The following LRRC4C variants were observed in gnomAD, a reference collection of about 807,000 sequenced individuals.
LRRC4C encodes leucine rich repeat containing 4C.
In LRRC4C, 5 loss-of-function variants were observed where a neutral mutation model predicts 33.6. The ratio of observed to expected loss-of-function variants is 0.15; its 90% CI spans 0.08 to 0.31. LRRC4C has a LOEUF of 0.31. Ranked by LOEUF, LRRC4C falls within the 10% of genes least tolerant of loss-of-function variation. The probability of loss-of-function intolerance (pLI) is 1.00; values close to 1 mark genes in which losing one functional copy is unlikely to be tolerated. For missense variants in LRRC4C, 560 were observed against 796.7 expected (o/e 0.70, Z 3.58); for synonymous variants, 329 against 302.0 (o/e 1.09, Z -0.93).
At chr11:41,112,733 A>G (rs1182250630) in intron 1 of LRRC4C, among the ~76,000 whole-genome samples, 1 of 152,092 alleles carries the variant, frequency 6.6e-6, no homozygotes, top group Admixed American at 6.6e-5. Context: ...TATACCTAAG[A>G]ATTAATGCAT....
intron 1 of LRRC4C, among the ~76,000 whole-genome samples, chr11:40,934,491 C>T (rs111870328): frequency 4.6e-5 from 7 of 152,298 alleles, no homozygotes; most frequent in African/African-American, 1.7e-4. Flanking sequence ...TCAATTTCTC[C>T]TTACTCTATC....
chr11:40,782,543 TC>T (rs1326457254), intron 2 of LRRC4C, among the ~76,000 whole-genome samples: 1 of 152,170 alleles, frequency 6.6e-6, no homozygotes, highest in Admixed American at 6.5e-5. Flanking sequence ...TTTACTTCAT[TC>T]TCATACTCTT....
intron 4 of LRRC4C, among the ~76,000 whole-genome samples, chr11:40,253,237 A>C (rs1485601626): frequency 6.6e-6 from 1 of 152,248 alleles, no homozygotes; most frequent in Non-Finnish European, 1.5e-5. Flanking sequence ...TTGTAAAAAC[A>C]GTTTAACTCT....
intron 3 of LRRC4C, among the ~76,000 whole-genome samples, chr11:40,416,374 G>T (rs908192088): frequency 5.3e-5 from 8 of 152,102 alleles, no homozygotes; most frequent in Non-Finnish European, 1.0e-4. Context: ...TCAAGATGGG[G>T]GTTGGGAGGG....
In LRRC4C at chr11:40,997,232, G is replaced by A. The variant is rs201526706; in HGVS notation, c.-495-63509C>T. On this transcript the variant is annotated intron_variant, in intron 1 of 6. Transcript: ENST00000528697. ...GAGAAGAAAAATAAGAGAGAGAAGA[G>A]ATGAGGATACAAATGGAACTCCAGA... Among the ~76,000 whole-genome samples, 836 of 152,096 alleles carry A rather than the reference G, an allele frequency of 5.5e-3. 7 individuals are homozygous for A. Among genetic ancestry groups the A allele is most frequent in the African/African-American group, 0.019 (780 of 41,500 alleles).
chr11:40,244,723 T>C (rs1425176689), intron 4 of LRRC4C, among the ~76,000 whole-genome samples: 1 of 151,986 alleles, frequency 6.6e-6, no homozygotes, highest in Non-Finnish European at 1.5e-5. Flanking sequence ...AGCAGTGGGC[T>C]AAGGGGAAGG....
intron 1 of LRRC4C, among the ~76,000 whole-genome samples, chr11:41,088,838 T>G (rs1191169954): frequency 6.6e-6 from 1 of 152,008 alleles, no homozygotes; most frequent in Non-Finnish European, 1.5e-5. Context: ...CCAATACTAA[T>G]GTACATTTAT....
chr11:40,830,063 G>GA (rs1216631989), intron 2 of LRRC4C, among the ~76,000 whole-genome samples: 2 of 151,964 alleles, frequency 1.3e-5, no homozygotes, highest in African/African-American at 2.4e-5. Context: ...ATAACTTGCA[G>GA]AAAAAATTGT....
chr11:40,377,723 A>G (rs1197641642), intron 3 of LRRC4C, among the ~76,000 whole-genome samples: 1 of 152,158 alleles, frequency 6.6e-6, no homozygotes, highest in Non-Finnish European at 1.5e-5. Context: ...AAAATAATCC[A>G]GAAGTTTTTT....
chr11:41,193,161 G>A (rs1404337161), intron 1 of LRRC4C, among the ~76,000 whole-genome samples: 2 of 152,182 alleles, frequency 1.3e-5, no homozygotes, highest in Middle Eastern at 3.4e-3. Context: ...CAACAAGAAG[G>A]TATGGATGAT....
chr11:40,131,387 A>G (rs1856633489), intron 6 of LRRC4C, among the ~76,000 whole-genome samples: 2 of 152,206 alleles, frequency 1.3e-5, no homozygotes, highest in Admixed American at 1.3e-4. Flanking sequence ...CAGCATGTAA[A>G]TAGGGGATTG....
chr11:40,519,549 T>C (rs2135212435), intron 3 of LRRC4C, among the ~76,000 whole-genome samples: 1 of 152,310 alleles, frequency 6.6e-6, no homozygotes, highest in South Asian at 2.1e-4. Flanking sequence ...AGCGAATTAG[T>C]ACCTTGCTCT....
intron 3 of LRRC4C, chr11:40,446,368 G>A (rs1311860968): frequency 6.6e-6 from 1 of 152,058 alleles, no homozygotes; most frequent in Non-Finnish European, 1.5e-5. Flanking sequence ...AACTCCTCAT[G>A]CCTCATTACC....
At chr11:40,423,339 CTTTTTTTTT>C (rs35819704) in intron 3 of LRRC4C, among the ~76,000 whole-genome samples, 2 of 90,932 alleles carry the variant, frequency 2.2e-5, no homozygotes, top group African/African-American at 8.4e-5. Flanking sequence ...TGTTCATGTT[CTTTTTTTTT>C]TTTTTTTTTT....
chr11:40,730,910 A>G (rs1412056928), intron 2 of LRRC4C, among the ~76,000 whole-genome samples: 2 of 152,164 alleles, frequency 1.3e-5, no homozygotes, highest in African/African-American at 4.8e-5. Flanking sequence ...TTGAAATGTG[A>G]TCCCCAGTGT....
intron 4 of LRRC4C, among the ~76,000 whole-genome samples, chr11:40,260,109 G>A (rs1867574841): frequency 8.0e-6 from 1 of 125,010 alleles, no homozygotes; most frequent in Non-Finnish European, 1.7e-5. Context: ...GCACACGTAT[G>A]TTTATTGCGG....
At chr11:41,200,318 G>T (rs374671567) in intron 1 of LRRC4C, among the ~76,000 whole-genome samples, 1 of 152,096 alleles carries the variant, frequency 6.6e-6, no homozygotes, top group African/African-American at 2.4e-5. Flanking sequence ...AGAAAATGCT[G>T]TGGAAGTAAA....
intron 2 of LRRC4C, among the ~76,000 whole-genome samples, chr11:40,892,361 A>G (rs1486042162): frequency 2.0e-5 from 3 of 152,120 alleles, no homozygotes; most frequent in Non-Finnish European, 4.4e-5. Flanking sequence ...AAAAACATGT[A>G]CATATGCACA....
intron 2 of LRRC4C, among the ~76,000 whole-genome samples, chr11:40,842,851 A>G (rs754161003): frequency 1.8e-4 from 27 of 152,156 alleles, no homozygotes; most frequent in Non-Finnish European, 3.1e-4. Flanking sequence ...TAAACAACTG[A>G]TTCTACAACT....
Sources: gnomAD v4.1 joint callset for allele counts (sites outside exome capture counted in the v4.1 genomes callset) on GRCh38, gnomAD v4.1.1 for gene constraint, MANE v1.5 for transcripts, NCBI Gene and HGNC (gene_info 2026-07-23, HGNC 2026-07-21) for gene names.